KIF18A: variants seen among roughly 807,000 people sequenced by gnomAD.
KIF18A encodes the protein kinesin family member 18A.
In KIF18A, 67 loss-of-function variants were observed where a neutral mutation model predicts 103.3. The observed-to-expected ratio is 0.65, with a 90% CI of 0.53 to 0.79. The LOEUF (loss-of-function observed/expected upper bound fraction) is 0.79, where lower values mean the gene tolerates loss of function less well. KIF18A is among the 30% of genes least tolerant of loss of function. KIF18A has a pLI of 0.00. For missense variants in KIF18A, 1,032 were observed against 1,062.5 expected (o/e 0.97, Z 0.40); for synonymous variants, 367 against 355.5 (o/e 1.03, Z -0.36).
At chr11:28,081,167 C>T (rs544613397) in intron 9 of KIF18A, among the ~76,000 whole-genome samples, 2 of 152,266 alleles carry the variant, frequency 1.3e-5, no homozygotes, top group Admixed American at 6.5e-5. Flanking sequence ...CTAGGTGAAG[C>T]AGCAAGTGCT....
At chr11:28,092,257 T>G (rs1851316315) in intron 3 of KIF18A, among the ~76,000 whole-genome samples, 1 of 152,192 alleles carries the variant, frequency 6.6e-6, no homozygotes, top group Non-Finnish European at 1.5e-5. Flanking sequence ...CTTTTGAAAT[T>G]TTAGAGCTTA....
At chr11:28,073,310 C>T (rs1851045842) in intron 10 of KIF18A, among the ~76,000 whole-genome samples, 1 of 151,990 alleles carries the variant, frequency 6.6e-6, no homozygotes, top group African/African-American at 2.4e-5. Context: ...TGGTCAAACT[C>T]AGCAGAGCAA....
In KIF18A at chr11:28,084,624, A is replaced by C. The variant is rs1004450193; in HGVS notation, c.1074+8T>G. Reference sequence around the variant, plus strand: ...CCTTCACAACAAAGGCAGAGTAAACAGACTTACAGAAGATTTAATGTCCTT... The same window carrying C: ...CCTTCACAACAAAGGCAGAGTAAACCGACTTACAGAAGATTTAATGTCCTT... On this transcript the variant is annotated splice_region_variant and intron_variant, in intron 7 of 16. Coordinates refer to ENST00000263181, the MANE Select transcript of KIF18A (RefSeq NM_031217.4). 5.0e-6 allele frequency: 8 copies of C among 1,590,620 alleles called. No homozygotes were observed.
chr11:28,021,701 T>C (rs1850247884), intron 16 of KIF18A, among the ~76,000 whole-genome samples: 1 of 152,236 alleles, frequency 6.6e-6, no homozygotes, highest in African/African-American at 2.4e-5. Flanking sequence ...AAAATTATCA[T>C]TTGCATCTAG....
intron 10 of KIF18A, among the ~76,000 whole-genome samples, chr11:28,075,770 G>C (rs1414819273): frequency 6.6e-6 from 1 of 152,080 alleles, no homozygotes; most frequent in East Asian, 1.9e-4. Flanking sequence ...TTTCTCTTAA[G>C]AGGCTGATTT....
chr11:28,076,467 T>G (rs1851092119), intron 10 of KIF18A: 1 of 152,206 alleles, frequency 6.6e-6, no homozygotes, highest in Non-Finnish European at 1.5e-5. Flanking sequence ...ACTGAGATTC[T>G]GTTGTTTTTG....
intron 9 of KIF18A, among the ~76,000 whole-genome samples, chr11:28,079,281 T>C (rs1324152660): frequency 6.6e-6 from 1 of 151,996 alleles, no homozygotes; most frequent in East Asian, 1.9e-4. Flanking sequence ...AGCTGGAGAA[T>C]TCTAATAGAT....
chr11:28,085,539 C>T (rs915795503), intron 6 of KIF18A, among the ~76,000 whole-genome samples: 2 of 152,108 alleles, frequency 1.3e-5, no homozygotes, highest in African/African-American at 4.8e-5. Context: ...CGGATGTATG[C>T]GCCATCTCTC....
At chr11:28,056,203 G>C (rs1186776358) in intron 13 of KIF18A, among the ~76,000 whole-genome samples, 1 of 148,418 alleles carries the variant, frequency 6.7e-6, no homozygotes, top group African/African-American at 2.5e-5. Context: ...CATGGATGCA[G>C]AACCCATGGA....
intron 15 of KIF18A, among the ~76,000 whole-genome samples, chr11:28,032,527 C>A (rs1476566854): frequency 6.6e-6 from 1 of 151,716 alleles, no homozygotes; most frequent in Non-Finnish European, 1.5e-5. Flanking sequence ...GACACACAAA[C>A]CAGTGGAACA....
intron 10 of KIF18A, among the ~76,000 whole-genome samples, chr11:28,075,249 G>C (rs1259278507): frequency 2.6e-5 from 4 of 152,016 alleles, no homozygotes; most frequent in Non-Finnish European, 4.4e-5. Flanking sequence ...CTGTCTCCCA[G>C]CTCATGTAAA....
chr11:28,079,170 C>G (rs1384168229), intron 9 of KIF18A, among the ~76,000 whole-genome samples: 1 of 152,006 alleles, frequency 6.6e-6, no homozygotes, highest in African/African-American at 2.4e-5. Context: ...AAGCCATCAA[C>G]TCCAGAAAAG....
chr11:28,038,889 GAC>G (rs1803966516), intron 13 of KIF18A, among the ~76,000 whole-genome samples: 1 of 151,680 alleles, frequency 6.6e-6, no homozygotes, highest in Admixed American at 6.6e-5. Context: ...GCAGAGTAAA[GAC>G]AGTTACTTTT....
chr11:28,043,089 A>G (rs971791398), intron 13 of KIF18A, among the ~76,000 whole-genome samples: 2 of 151,944 alleles, frequency 1.3e-5, no homozygotes, highest in Non-Finnish European at 2.9e-5. Context: ...ACAGCTATGC[A>G]ATATAGTAAA....
chr11:28,058,865 T>G, intron 13 of KIF18A, 61 bp downstream of exon 13: 1 of 1,205,876 alleles, frequency 8.3e-7, no homozygotes, highest in Non-Finnish European at 1.2e-6. Flanking sequence ...TATAGATTGA[T>G]ATACAAAGGT....
chr11:28,033,458 T>C (rs1850437595), intron 15 of KIF18A, among the ~76,000 whole-genome samples: 1 of 151,358 alleles, frequency 6.6e-6, no homozygotes, highest in African/African-American at 2.4e-5. Context: ...GGAAGCAACC[T>C]AAGTGCCAAT....
chr11:28,064,793 G>C (rs1162815910), intron 11 of KIF18A, among the ~76,000 whole-genome samples: 2 of 152,044 alleles, frequency 1.3e-5, no homozygotes, highest in South Asian at 4.1e-4. Context: ...GACTAAATCT[G>C]ATTGGAAGAA....
At chr11:28,058,412 G>A (rs1396894243) in intron 13 of KIF18A, among the ~76,000 whole-genome samples, 2 of 150,082 alleles carry the variant, frequency 1.3e-5, no homozygotes, top group South Asian at 2.1e-4. Flanking sequence ...CAGCAATTTG[G>A]GAGGCCAGGG....
chr11:28,066,523 TC>T (rs975520516), intron 11 of KIF18A, among the ~76,000 whole-genome samples: 26 of 151,886 alleles, frequency 1.7e-4, no homozygotes, highest in Non-Finnish European at 3.2e-4. Flanking sequence ...TTTTGCTTAC[TC>T]CTTTTGAGTC....
Sources: allele counts gnomAD v4.1 joint callset (sites outside exome capture counted in the v4.1 genomes callset), GRCh38; gene constraint gnomAD v4.1.1; transcripts MANE v1.5; gene names NCBI Gene and HGNC (gene_info 2026-07-23, HGNC 2026-07-21).